The following AGAP1 variants were observed in gnomAD, a reference collection of about 807,000 sequenced individuals.
AGAP1 encodes the protein ArfGAP with GTPase domain, ankyrin repeat and PH domain 1.
Under a neutral mutation model 105.3 loss-of-function variants are expected in AGAP1, and 29 were observed. The observed-to-expected ratio is 0.28, with a 90% CI of 0.21 to 0.38. The LOEUF (loss-of-function observed/expected upper bound fraction) is 0.38. Among genes scored for constraint, AGAP1 ranks in the 10% least tolerant of loss-of-function variants. The pLI, the probability that AGAP1 is intolerant of heterozygous loss-of-function variation, is 1.00. For missense variants in AGAP1, 998 were observed against 1,165.1 expected (o/e 0.86, Z 2.09); for synonymous variants, 509 against 485.9 (o/e 1.05, Z -0.63).
rs1024484457 is a variant in AGAP1, at chr2:235,801,692, A to G, written c.957+2170A>G. 6.6e-6 allele frequency among the ~76,000 whole-genome samples: 1 copy of G among 152,040 alleles called. No individual in the cohort carries two copies. The highest frequency in any genetic ancestry group is 1.9e-4 in the East Asian group (1 of 5,158). The stretch of plus-strand genomic sequence containing the variant: ...TAGCCAAAGATGCAGCTGGATTGAG[A>G]GAAGGTGGGCTGTGGGCAGGCGGCC... On this transcript the variant is annotated intron_variant, in intron 8 of 17. Transcript: ENST00000304032. This position sits in a 1 kb window ranked among gnomAD's most constrained non-coding sequence, Gnocchi z 6.0.
At chr2:235,770,133 C>CTTTTTTTTTTTTTTTTTTTTTTT (rs57008190) in intron 6 of AGAP1, among the ~76,000 whole-genome samples, 1 of 136,656 alleles carries the variant, frequency 7.3e-6, no homozygotes, top group African/African-American at 2.6e-5. Context: ...TTCTTTGTTT[C>CTTTTTTTTTTTTTTTTTTTTTTT]TTTTTTTTTT....
intron 2 of AGAP1, among the ~76,000 whole-genome samples, chr2:235,711,321 C>G (rs766494481): frequency 6.6e-6 from 1 of 152,246 alleles, no homozygotes; most frequent in East Asian, 1.9e-4. Context: ...AACCACCTGA[C>G]TTGGCAGTTC....
chr2:236,063,454 C>T (rs2058262404), intron 16 of AGAP1, among the ~76,000 whole-genome samples: 1 of 152,184 alleles, frequency 6.6e-6, no homozygotes, highest in Non-Finnish European at 1.5e-5. Flanking sequence ...GTTTAGTTTT[C>T]TTTCTTGGGC....
At chr2:235,644,519 G>C (rs1041936976) in intron 1 of AGAP1, among the ~76,000 whole-genome samples, 4 of 152,098 alleles carry the variant, frequency 2.6e-5, no homozygotes, top group African/African-American at 7.2e-5. Context: ...GGTGTAAATA[G>C]CTCACTGCAG....
At position 235,968,525 on chromosome 2, in the gene AGAP1, T is replaced by A; in HGVS notation, c.1547T>A (p.Leu516His). The A allele has an allele frequency of 6.3e-7, 1 of 1,584,904 alleles. No individual in the cohort carries two copies. Among genetic ancestry groups the A allele is most frequent in the Non-Finnish European group, 8.5e-7 (1 of 1,171,226 alleles). Residue 516 changes from leucine (L) to histidine (H), a missense_variant, in exon 13 of 18, where the codon CTC becomes CAC. Coordinates refer to ENST00000304032, the MANE Select transcript of AGAP1 (RefSeq NM_001037131.3). ...ATCTCCAGCACCACCAGCCCCAAGC[T>A]CGACCCGCCCCCCTCCCCTCACGCC... ...PSISSTTSPK[L>H]DPPPSPHANR...
At chr2:235,682,072 C>T (rs754055895) in intron 1 of AGAP1, among the ~76,000 whole-genome samples, 2 of 151,414 alleles carry the variant, frequency 1.3e-5, no homozygotes, top group Non-Finnish European at 2.9e-5. Flanking sequence ...AGGCTGGTCT[C>T]GAACTCCTGA....
intron 16 of AGAP1, among the ~76,000 whole-genome samples, chr2:236,097,752 T>C (rs1227694961): frequency 1.3e-5 from 2 of 152,100 alleles, no homozygotes; most frequent in African/African-American, 4.8e-5. Flanking sequence ...TGCGCAACCA[T>C]CACGACCATC....
chr2:235,628,656 G>A (rs889522772), intron 1 of AGAP1, among the ~76,000 whole-genome samples: 2 of 151,944 alleles, frequency 1.3e-5, no homozygotes, highest in African/African-American at 4.8e-5. Flanking sequence ...TGGGGAACAG[G>A]TGGTGTTTGG....
rs1471845012 is a variant in AGAP1 at position 236,020,930 on chromosome 2, T to G, written c.1646-15631T>G. Among the ~76,000 whole-genome samples, 1 of 151,062 alleles carries G rather than the reference T, an allele frequency of 6.6e-6. No individual in the cohort carries two copies. The highest frequency in any genetic ancestry group is 1.5e-5 in the Non-Finnish European group (1 of 67,802). ...CCTATAATCCCAGCACTTTGGGAGG[T>G]CAAGGTGGGTGGATCACTTGAGGTC... On this transcript the variant is annotated intron_variant, in intron 13 of 17. Transcript: ENST00000304032. The surrounding 1 kb of genome is among the most constrained non-coding windows in gnomAD (Gnocchi z 5.0).
intron 13 of AGAP1, among the ~76,000 whole-genome samples, chr2:235,969,364 G>A (rs1019978554): frequency 1.3e-5 from 2 of 151,944 alleles, no homozygotes. Flanking sequence ...TAATGCAGTT[G>A]TAACAAAGGA....
intron 16 of AGAP1, among the ~76,000 whole-genome samples, chr2:236,054,739 CCT>C (rs1421259072): frequency 6.6e-6 from 1 of 152,130 alleles, no homozygotes; most frequent in African/African-American, 2.4e-5. Flanking sequence ...CTCTGATCTC[CCT>C]GTCTGCCCTC....
intron 12 of AGAP1, among the ~76,000 whole-genome samples, chr2:235,933,917 G>A (rs1004764075): frequency 1.3e-5 from 2 of 152,174 alleles, no homozygotes; most frequent in African/African-American, 4.8e-5. Context: ...GTTTATTGAG[G>A]GCTTTATGTA....
Position 235,967,338 on chromosome 2 carries a change from G to A in AGAP1, c.1484-1124G>A, listed in dbSNP as rs975731591. ...TTAAATGACACCCCCCATCACTGCC[G>A]CCTCTCCCCAGCCTCCCAGCCTTGA... On this transcript the variant is annotated intron_variant, in intron 12 of 17. Coordinates refer to ENST00000304032, the MANE Select transcript of AGAP1 (RefSeq NM_001037131.3). This position sits in a 1 kb window ranked among gnomAD's most constrained non-coding sequence, Gnocchi z 4.7. 1.3e-5 allele frequency among the ~76,000 whole-genome samples: 2 copies of A among 152,170 alleles called. No individual in the cohort carries two copies. The highest frequency in any genetic ancestry group is 6.5e-5 in the Admixed American group (1 of 15,276).
rs532794507 is a variant in AGAP1, at chr2:236,124,199, C to T, written c.*77C>T. On this transcript the variant is annotated 3_prime_UTR_variant, in exon 18 of 18. Transcript: ENST00000304032. This position sits in a 1 kb window ranked among gnomAD's most constrained non-coding sequence, Gnocchi z 5.1. Reference sequence around the variant, plus strand: ...GCATTCTCGCTCAGAAGTCGCAGCACGTGAGTCCCGTCGCATCCCCTCCCT... The same window carrying T: ...GCATTCTCGCTCAGAAGTCGCAGCATGTGAGTCCCGTCGCATCCCCTCCCT... 44 of 1,475,760 alleles carry T rather than the reference C, an allele frequency of 3.0e-5. No homozygotes were observed. Among genetic ancestry groups the T allele is most frequent in the South Asian group, 1.1e-4 (9 of 79,256 alleles). The allele number at this position is 1,475,760 out of a possible 1,614,324, so 91.4% of individuals were successfully genotyped here.
chr2:235,626,633 G>A (rs544928868), intron 1 of AGAP1, among the ~76,000 whole-genome samples: 7 of 152,160 alleles, frequency 4.6e-5, no homozygotes, highest in African/African-American at 1.4e-4. Flanking sequence ...CAATGAACAC[G>A]CTAATTATGT....
chr2:235,554,959 G>A (rs572336021), intron 1 of AGAP1, among the ~76,000 whole-genome samples: 8 of 152,294 alleles, frequency 5.3e-5, no homozygotes, highest in South Asian at 2.1e-4. Context: ...TGTGAGCCAC[G>A]GTGCCTGGCC....
intron 16 of AGAP1, among the ~76,000 whole-genome samples, chr2:236,117,118 T>A (rs957091279): frequency 6.6e-6 from 1 of 152,202 alleles, no homozygotes; most frequent in Non-Finnish European, 1.5e-5. Context: ...GTGGGTACAG[T>A]AGTGTGATTG....
intron 16 of AGAP1, among the ~76,000 whole-genome samples, chr2:236,063,065 G>A (rs2058246955): frequency 6.6e-6 from 1 of 152,144 alleles, no homozygotes; most frequent in Non-Finnish European, 1.5e-5. Context: ...TGGGATTACA[G>A]GGGTGAGGCA....
rs1263534569 is a variant in AGAP1 at position 236,062,730 on chromosome 2, T to G, written c.2114+13449T>G. On this transcript the variant is annotated intron_variant, in intron 16 of 17. Transcript: ENST00000304032. This position sits in a 1 kb window ranked among gnomAD's most constrained non-coding sequence, Gnocchi z 4.2. ...AGGCTGGAGTGCAGTGGAGCAATCT[T>G]GGCTCACTGCAACCTCCACCTCCTG... Among the ~76,000 whole-genome samples, 1 of 152,124 alleles carries G rather than the reference T, an allele frequency of 6.6e-6. No homozygotes were observed. Among genetic ancestry groups the G allele is most frequent in the Non-Finnish European group, 1.5e-5 (1 of 68,010 alleles).
Sources: allele counts gnomAD v4.1 joint callset (sites outside exome capture counted in the v4.1 genomes callset), GRCh38; gene constraint gnomAD v4.1.1; non-coding constraint Gnocchi (gnomAD v3.1); transcripts MANE v1.5; gene names NCBI Gene and HGNC (gene_info 2026-07-23, HGNC 2026-07-21).